Variants in SH2D4A observed in about 807,000 individuals in gnomAD.
SH2D4A encodes the protein SH2 domain-containing protein 4A.
Under a neutral mutation model 64.7 loss-of-function variants are expected in SH2D4A, and 70 were observed. The observed-to-expected ratio is 1.08, with a 90% confidence interval of 0.89 to 1.32. SH2D4A has a LOEUF of 1.32. Among genes scored for constraint, SH2D4A ranks in the 40% most tolerant of loss-of-function variants. SH2D4A has a pLI of 0.00. For synonymous variants in SH2D4A, 268 were observed against 200.7 expected (o/e 1.34, Z -2.83); for missense variants, 706 against 540.1 (o/e 1.31, Z -3.04).
At chr8:19,327,321 G>C (rs1020743278) in intron 2 of SH2D4A, among the ~76,000 whole-genome samples, 15 of 152,184 alleles carry the variant, frequency 9.9e-5, no homozygotes, top group African/African-American at 3.6e-4. Flanking sequence ...ACTCACCTCT[G>C]ATTAAAGAGT....
chr8:19,366,381 C>T (rs2052994613), intron 7 of SH2D4A, among the ~76,000 whole-genome samples: 1 of 152,162 alleles, frequency 6.6e-6, no homozygotes, highest in African/African-American at 2.4e-5. Context: ...CCGTGCTGTG[C>T]AGTAGAGCAG....
intron 2 of SH2D4A, among the ~76,000 whole-genome samples, chr8:19,326,158 C>T (rs1327726593): frequency 1.3e-5 from 2 of 152,208 alleles, no homozygotes; most frequent in East Asian, 1.9e-4. Context: ...TGTTTACTAG[C>T]TCTGTGATCT....
At chr8:19,381,443 T>G (rs2053291131) in intron 8 of SH2D4A, among the ~76,000 whole-genome samples, 1 of 152,182 alleles carries the variant, frequency 6.6e-6, no homozygotes, top group Non-Finnish European at 1.5e-5. Flanking sequence ...GGAATTTGAT[T>G]TGTAATTTCC....
At chr8:19,350,863 G>A (rs1002508529) in intron 4 of SH2D4A, among the ~76,000 whole-genome samples, 3 of 152,156 alleles carry the variant, frequency 2.0e-5, no homozygotes, top group African/African-American at 7.2e-5. Context: ...GTATTCAGTA[G>A]TCTCTGTGCG....
chr8:19,386,634 A>AG (rs1217918923), intron 8 of SH2D4A, among the ~76,000 whole-genome samples: 1 of 152,148 alleles, frequency 6.6e-6, no homozygotes, highest in African/African-American at 2.4e-5. Flanking sequence ...CTCAGAGGCA[A>AG]GGGGCAGGTA....
intron 5 of SH2D4A, among the ~76,000 whole-genome samples, chr8:19,360,459 C>CA (rs1481048375): frequency 6.6e-6 from 1 of 151,898 alleles, no homozygotes; most frequent in Non-Finnish European, 1.5e-5. Context: ...TCAAAAAATA[C>CA]AAAAATTACC....
chr8:19,382,977 A>C (rs1232438745), intron 8 of SH2D4A, among the ~76,000 whole-genome samples: 2 of 151,724 alleles, frequency 1.3e-5, no homozygotes, highest in Non-Finnish European at 1.5e-5. Flanking sequence ...GACTATAGGC[A>C]CTTGCCACCA....
At chr8:19,341,608 C>T (rs1457448640) in intron 4 of SH2D4A, among the ~76,000 whole-genome samples, 9 of 151,932 alleles carry the variant, frequency 5.9e-5, no homozygotes, top group African/African-American at 2.2e-4. Context: ...TTTGGGAGGC[C>T]GAGGCAGATG....
chr8:19,314,056 CCG>C, intron 1 of SH2D4A: 3 of 1,199,204 alleles, frequency 2.5e-6, no homozygotes, highest in East Asian at 3.6e-5. Context: ...TGTCCGGTGT[CCG>C]GTGTCTGGAG....
chr8:19,322,291 A>G (rs1369637171), intron 2 of SH2D4A, among the ~76,000 whole-genome samples: 2 of 152,140 alleles, frequency 1.3e-5, no homozygotes, highest in Non-Finnish European at 2.9e-5. Context: ...TTGTGGGTTG[A>G]CAGGTCACTC....
chr8:19,386,368 CTT>C (rs2053391566), intron 8 of SH2D4A, among the ~76,000 whole-genome samples: 1 of 152,222 alleles, frequency 6.6e-6, no homozygotes, highest in Non-Finnish European at 1.5e-5. Flanking sequence ...AAGAAGCTGA[CTT>C]TTCTCATAAA....
At chr8:19,384,691 T>C (rs1195074657) in intron 8 of SH2D4A, among the ~76,000 whole-genome samples, 1 of 152,218 alleles carries the variant, frequency 6.6e-6, no homozygotes, top group Non-Finnish European at 1.5e-5. Flanking sequence ...CCAAAGTGTG[T>C]AGATACATAA....
intron 4 of SH2D4A, among the ~76,000 whole-genome samples, chr8:19,352,422 C>T (rs2052719256): frequency 6.6e-6 from 1 of 152,226 alleles, no homozygotes; most frequent in Non-Finnish European, 1.5e-5. Flanking sequence ...AGTCCACTAG[C>T]TTCTGATGTT....
intron 5 of SH2D4A, among the ~76,000 whole-genome samples, chr8:19,359,791 A>G (rs1011301028): frequency 3.3e-5 from 5 of 150,774 alleles, no homozygotes; most frequent in Admixed American, 1.3e-4. Context: ...GTGATTTATG[A>G]CTGCCCAGAG....
At chr8:19,383,125 C>T (rs1025263283) in intron 8 of SH2D4A, among the ~76,000 whole-genome samples, 2 of 151,324 alleles carry the variant, frequency 1.3e-5, no homozygotes, top group Non-Finnish European at 2.9e-5. Context: ...GGGAAGTTTT[C>T]ATTATTTCTT....
At chr8:19,392,626 C>G (rs995516193) in intron 8 of SH2D4A, among the ~76,000 whole-genome samples, 1 of 152,256 alleles carries the variant, frequency 6.6e-6, no homozygotes, top group South Asian at 2.1e-4. Flanking sequence ...AATCCCCTCC[C>G]AGATCTAACA....
intron 8 of SH2D4A, among the ~76,000 whole-genome samples, chr8:19,393,053 CTTCTT>C (rs1197214674): frequency 1.3e-5 from 2 of 152,140 alleles, no homozygotes; most frequent in Non-Finnish European, 2.9e-5. Flanking sequence ...GAAATATATT[CTTCTT>C]TTAAGGTTGA....
intron 8 of SH2D4A, among the ~76,000 whole-genome samples, chr8:19,389,375 G>A (rs944729448): frequency 1.3e-5 from 2 of 152,182 alleles, no homozygotes; most frequent in Non-Finnish European, 2.9e-5. Context: ...CTAAACACAT[G>A]TGGCTTTTCC....
intron 4 of SH2D4A, among the ~76,000 whole-genome samples, chr8:19,336,314 A>C (rs539269724): frequency 6.6e-6 from 1 of 152,322 alleles, no homozygotes; most frequent in East Asian, 1.9e-4. Context: ...GCTATGAAGA[A>C]GCTTTTTATG....
Sources: gnomAD v4.1 joint callset for allele counts (sites outside exome capture counted in the v4.1 genomes callset) on GRCh38, gnomAD v4.1.1 for gene constraint, MANE v1.5 for transcripts, NCBI Gene and HGNC (gene_info 2026-07-23, HGNC 2026-07-21) for gene names.